Variants in GALNT17 observed in about 807,000 individuals in gnomAD.
GALNT17 encodes polypeptide N-acetylgalactosaminyltransferase 17, also known as UDP-GalNAc:polypeptide N-acetylgalactosaminyltransferase-like 3.
Under a neutral mutation model 63.7 loss-of-function variants are expected in GALNT17, and 29 were observed. The observed-to-expected ratio is 0.46, with a 90% CI of 0.34 to 0.62. The LOEUF is 0.62. Ranked by LOEUF, GALNT17 falls within the 20% of genes least tolerant of loss-of-function variation. The pLI, the probability that GALNT17 is intolerant of heterozygous loss-of-function variation, is 0.01. For synonymous variants in GALNT17, 305 were observed against 318.3 expected, an observed-to-expected ratio of 0.96 and a Z score of 0.45; for missense variants, 603 against 799.6, an observed-to-expected ratio of 0.75 and a Z score of 2.97.
At chr7:71,321,430 G>T (rs1275494887) in intron 1 of GALNT17, among the ~76,000 whole-genome samples, 1 of 152,208 alleles carries the variant, frequency 6.6e-6, no homozygotes, top group Non-Finnish European at 1.5e-5. Context: ...GGCAATGTTT[G>T]TTCGGTGCTG....
chr7:71,432,449 A>G (rs1786884757), intron 5 of GALNT17, among the ~76,000 whole-genome samples: 1 of 152,294 alleles, frequency 6.6e-6, no homozygotes, highest in African/African-American at 2.4e-5. Flanking sequence ...GTTAAACTGC[A>G]GTAGCATCGT....
chr7:71,641,611 C>T (rs753731521), intron 6 of GALNT17, among the ~76,000 whole-genome samples: 4 of 151,984 alleles, frequency 2.6e-5, no homozygotes, highest in Non-Finnish European at 4.4e-5. Flanking sequence ...CAACCCTATT[C>T]ACAAGAGCTC....
chr7:71,147,428 C>A, intron 1 of GALNT17, among the ~76,000 whole-genome samples: 1 of 152,218 alleles, frequency 6.6e-6, no homozygotes, highest in African/African-American at 2.4e-5. Context: ...ATTCAGCTGG[C>A]AGCTGATTAG....
At chr7:71,259,703 G>A (rs1289197325) in intron 1 of GALNT17, among the ~76,000 whole-genome samples, 36 of 147,098 alleles carry the variant, frequency 2.4e-4, no homozygotes, top group Admixed American at 1.8e-3. Flanking sequence ...GTGCAGTGGC[G>A]CAATCTCGGC....
intron 1 of GALNT17, among the ~76,000 whole-genome samples, chr7:71,139,280 C>G (rs1787842036): frequency 6.6e-6 from 1 of 152,046 alleles, no homozygotes; most frequent in African/African-American, 2.4e-5. Context: ...CTTCACTTGC[C>G]CCTCGCAGGC....
At chr7:71,479,613 C>A (rs1165395777) in intron 5 of GALNT17, among the ~76,000 whole-genome samples, 9 of 151,922 alleles carry the variant, frequency 5.9e-5, no homozygotes, top group Admixed American at 3.9e-4. Flanking sequence ...GGAACTCATT[C>A]ATTTGCATAT....
chr7:71,651,263 G>A (rs1396470967), intron 6 of GALNT17, among the ~76,000 whole-genome samples: 2 of 147,018 alleles, frequency 1.4e-5, no homozygotes, highest in African/African-American at 5.0e-5. Context: ...GGGGAGAATA[G>A]GACAAAGCCA....
chr7:71,605,831 C>T (rs916601357), intron 6 of GALNT17, among the ~76,000 whole-genome samples: 2 of 152,042 alleles, frequency 1.3e-5, no homozygotes, highest in Non-Finnish European at 2.9e-5. Flanking sequence ...AGCCCTAACC[C>T]GAATCTACAT....
intron 6 of GALNT17, among the ~76,000 whole-genome samples, chr7:71,572,981 A>G (rs1040167720): frequency 6.6e-6 from 1 of 151,594 alleles, no homozygotes; most frequent in Admixed American, 6.6e-5. Context: ...TTCACTCCCT[A>G]TTTTTTGTTT....
At chr7:71,218,210 A>C (rs1159981039) in intron 1 of GALNT17, among the ~76,000 whole-genome samples, 2 of 152,158 alleles carry the variant, frequency 1.3e-5, no homozygotes, top group Non-Finnish European at 2.9e-5. Context: ...CCTGGCCAAC[A>C]TGGTGAAACC....
At chr7:71,674,384 T>C (rs558622352) in intron 8 of GALNT17, among the ~76,000 whole-genome samples, 2 of 150,522 alleles carry the variant, frequency 1.3e-5, no homozygotes, top group South Asian at 2.1e-4. Context: ...CTTGCTCTGT[T>C]GCCCAGGCTA....
intron 1 of GALNT17, among the ~76,000 whole-genome samples, chr7:71,260,950 C>G (rs1384289368): frequency 6.6e-6 from 1 of 152,046 alleles, no homozygotes; most frequent in African/African-American, 2.4e-5. Context: ...ATTATAAACC[C>G]AGGTGTTAAA....
At chr7:71,560,017 A>G (rs865929397) in intron 5 of GALNT17, among the ~76,000 whole-genome samples, 1 of 151,848 alleles carries the variant, frequency 6.6e-6, no homozygotes, top group South Asian at 2.1e-4. Flanking sequence ...AAGATGGTGA[A>G]ACCTCATCTC....
chr7:71,703,886 CA>C (rs1248373586), intron 9 of GALNT17, among the ~76,000 whole-genome samples: 1 of 151,630 alleles, frequency 6.6e-6, no homozygotes, highest in Non-Finnish European at 1.5e-5. Flanking sequence ...AACTTTTCAA[CA>C]AAATGGAAAG....
At chr7:71,377,114 A>AAATATATATATATATATATATATAT in intron 2 of GALNT17, among the ~76,000 whole-genome samples, 1 of 57,484 alleles carries the variant, frequency 1.7e-5, no homozygotes, top group Non-Finnish European at 3.0e-5. Flanking sequence ...AAATAAAAAA[A>AAATATATATATATATATATATATAT]ATATATATAT....
At chr7:71,275,345 C>T (rs1354450616) in intron 1 of GALNT17, among the ~76,000 whole-genome samples, 1 of 152,150 alleles carries the variant, frequency 6.6e-6, no homozygotes, top group Non-Finnish European at 1.5e-5. Flanking sequence ...GTGGGAGGAT[C>T]TCTGGAGGTC....
At chr7:71,161,022 G>A (rs768212868) in intron 1 of GALNT17, among the ~76,000 whole-genome samples, 3 of 149,646 alleles carry the variant, frequency 2.0e-5, no homozygotes, top group Admixed American at 6.7e-5. Context: ...TTTTTTTTCC[G>A]TAGAGATAGG....
intron 6 of GALNT17, among the ~76,000 whole-genome samples, chr7:71,602,321 G>A (rs1386031203): frequency 6.6e-6 from 1 of 152,134 alleles, no homozygotes; most frequent in East Asian, 1.9e-4. Context: ...CTGTGCTGAG[G>A]AAGGGCTTTA....
At chr7:71,669,607 G>A (rs1026723195) in intron 7 of GALNT17, among the ~76,000 whole-genome samples, 2 of 149,550 alleles carry the variant, frequency 1.3e-5, no homozygotes, top group African/African-American at 4.9e-5. Flanking sequence ...TGTCACCTGG[G>A]CTAGAGTGTA....
Sources: gnomAD v4.1 joint callset for allele counts (sites outside exome capture counted in the v4.1 genomes callset) on GRCh38, gnomAD v4.1.1 for gene constraint, MANE v1.5 for transcripts, NCBI Gene and HGNC (gene_info 2026-07-23, HGNC 2026-07-21) for gene names.